RAB2A: variants seen among roughly 807,000 people sequenced by gnomAD.
The protein encoded by RAB2A is RAB2A, member RAS oncogene family.
RAB2A carries 7 observed loss-of-function variants against 32.5 expected under a neutral mutation model. That is an observed-to-expected ratio of 0.22 (90% CI 0.12 to 0.40). The LOEUF (loss-of-function observed/expected upper bound fraction) is 0.40, where lower values mean the gene tolerates loss of function less well. RAB2A is among the 10% of genes least tolerant of loss of function. The pLI is 1.00. For synonymous variants in RAB2A, 79 were observed against 85.2 expected (o/e 0.93, Z 0.40); for missense variants, 108 against 260.7 (o/e 0.41, Z 4.03).
chr8:60,584,603 ACTT>A (rs1320062423), intron 4 of RAB2A, 117 bp from the exon 5 acceptor site: 4 of 775,148 alleles, frequency 5.2e-6, no homozygotes, highest in Middle Eastern at 3.7e-4. Context: ...GCTTAAAACT[ACTT>A]CTCGTTACAT....
At chr8:60,608,345 A>G (rs1804271412) in intron 6 of RAB2A, among the ~76,000 whole-genome samples, 1 of 152,262 alleles carries the variant, frequency 6.6e-6, no homozygotes, top group African/African-American at 2.4e-5. Flanking sequence ...CTTAGCTTAA[A>G]CAGTCCTTTG....
At chr8:60,549,078 T>G (rs1275101127) in intron 1 of RAB2A, among the ~76,000 whole-genome samples, 5 of 124,644 alleles carry the variant, frequency 4.0e-5, no homozygotes, top group East Asian at 2.4e-4. Flanking sequence ...TTCCCAGATG[T>G]GATGGCGGCC....
At chr8:60,518,202 A>G (rs1019816624) in intron 1 of RAB2A, among the ~76,000 whole-genome samples, 2 of 152,186 alleles carry the variant, frequency 1.3e-5, no homozygotes, top group African/African-American at 4.8e-5. Context: ...TTTGAATCTA[A>G]TAATAAACAT....
chr8:60,613,288 T>C (rs1023633604), intron 6 of RAB2A, among the ~76,000 whole-genome samples: 17 of 152,188 alleles, frequency 1.1e-4, no homozygotes, highest in African/African-American at 3.4e-4. Flanking sequence ...TTGTTCCCCA[T>C]GTGTCTTTGC....
chr8:60,621,414 G>A lies in RAB2A; in HGVS notation c.*645G>A, dbSNP rs1804523792. 3 of 152,056 alleles carry A rather than the reference G, an allele frequency of 2.0e-5. No homozygotes were observed. In the South Asian group the frequency reaches 6.2e-4, roughly 32 times the overall value. 9.4% of individuals were successfully genotyped at this position (152,056 alleles called of 1,614,324 possible). On this transcript the variant is annotated 3_prime_UTR_variant, in exon 8 of 8. Coordinates refer to ENST00000262646, the MANE Select transcript of RAB2A (RefSeq NM_002865.3). ...GCATGTTCATCTTTTCTTGTCACTA[G>A]TCCAAGAAAAATATGCTTAATGTAT...
chr8:60,562,330 GTCC>G (rs970647519), intron 2 of RAB2A, among the ~76,000 whole-genome samples: 5 of 152,160 alleles, frequency 3.3e-5, no homozygotes, highest in African/African-American at 1.2e-4. Context: ...ATCAGGATTA[GTCC>G]TCCTAAAAAG....
At chr8:60,531,231 G>A (rs1273817744) in intron 1 of RAB2A, among the ~76,000 whole-genome samples, 2 of 152,130 alleles carry the variant, frequency 1.3e-5, no homozygotes, top group Non-Finnish European at 2.9e-5. Context: ...TCCTTCTTTA[G>A]AAATAGCTAC....
chr8:60,566,400 A>T (rs562616250), intron 2 of RAB2A, among the ~76,000 whole-genome samples: 2 of 151,938 alleles, frequency 1.3e-5, no homozygotes, highest in Non-Finnish European at 2.9e-5. Context: ...CTTTGATTTT[A>T]CTTGTTATAT....
chr8:60,559,051 A>C, intron 2 of RAB2A, 128 bp downstream of exon 2: 1 of 647,114 alleles, frequency 1.5e-6, no homozygotes, highest in South Asian at 2.0e-5. Flanking sequence ...TACGCTGTTT[A>C]ATCTCTGTCA....
chr8:60,516,988 T>A lies in RAB2A; in HGVS notation c.-220T>A. The A allele has an allele frequency of 2.3e-6, 1 of 435,168 alleles. No homozygotes were observed. The highest frequency in any genetic ancestry group is 4.1e-6 in the Non-Finnish European group (1 of 243,944). 27.0% of individuals were successfully genotyped at this position (435,168 alleles called of 1,614,324 possible). On this transcript the variant is annotated 5_prime_UTR_variant, in exon 1 of 8. The change creates a new upstream start codon in the 5' untranslated region. Transcript: ENST00000262646. ...GGCGGAGGCGCCGCGGCGGCTGTTATTGTTCGGCTGGGCTCGGTCGGGCGC... is the reference window on the plus strand; with the variant it reads ...GGCGGAGGCGCCGCGGCGGCTGTTAATGTTCGGCTGGGCTCGGTCGGGCGC...
intron 3 of RAB2A, among the ~76,000 whole-genome samples, chr8:60,577,404 G>GT (rs1803652309): frequency 6.6e-6 from 1 of 152,068 alleles, no homozygotes; most frequent in Non-Finnish European, 1.5e-5. Flanking sequence ...AACTTGTGCT[G>GT]TTTTTTCTAG....
chr8:60,554,306 G>A (rs1053608577), intron 1 of RAB2A, among the ~76,000 whole-genome samples: 1 of 152,188 alleles, frequency 6.6e-6, no homozygotes, highest in African/African-American at 2.4e-5. Flanking sequence ...AGAGAGAATT[G>A]ATGAGATTGG....
intron 1 of RAB2A, among the ~76,000 whole-genome samples, chr8:60,537,020 A>G (rs563740342): frequency 2.1e-4 from 32 of 152,336 alleles, no homozygotes; most frequent in African/African-American, 6.7e-4. Flanking sequence ...TTATTTTACC[A>G]TCATTACTAG....
intron 1 of RAB2A, among the ~76,000 whole-genome samples, chr8:60,522,672 G>T (rs1351146830): frequency 6.6e-6 from 1 of 152,148 alleles, no homozygotes; most frequent in Non-Finnish European, 1.5e-5. Context: ...GAGACTTGAG[G>T]TTGAAAGGTT....
intron 6 of RAB2A, among the ~76,000 whole-genome samples, chr8:60,598,892 A>G (rs1397541036): frequency 2.1e-5 from 3 of 146,278 alleles, no homozygotes; most frequent in Non-Finnish European, 3.0e-5. Flanking sequence ...TCTCTTCTCA[A>G]CATTAATCAA....
intron 6 of RAB2A, among the ~76,000 whole-genome samples, chr8:60,613,253 T>G (rs1032454675): frequency 6.6e-6 from 1 of 152,142 alleles, no homozygotes; most frequent in African/African-American, 2.4e-5. Flanking sequence ...ACATACACAT[T>G]TAGCACCAGT....
intron 1 of RAB2A, among the ~76,000 whole-genome samples, chr8:60,535,074 AC>A: frequency 6.6e-6 from 1 of 152,196 alleles, no homozygotes; most frequent in East Asian, 1.9e-4. Flanking sequence ...AAAAAGTACT[AC>A]TGAGTAGTAT....
At chr8:60,581,142 A>G (rs1803742605) in intron 3 of RAB2A, among the ~76,000 whole-genome samples, 1 of 152,260 alleles carries the variant, frequency 6.6e-6, no homozygotes, top group Non-Finnish European at 1.5e-5. Context: ...AGACGGCTGC[A>G]GTTTAAGCAT....
At chr8:60,599,938 G>T (rs1342132219) in intron 6 of RAB2A, among the ~76,000 whole-genome samples, 1 of 152,068 alleles carries the variant, frequency 6.6e-6, no homozygotes, top group Non-Finnish European at 1.5e-5. Flanking sequence ...CCTTGTGAAA[G>T]ACTGTTTAAG....
Sources: gnomAD v4.1 joint callset for allele counts (sites outside exome capture counted in the v4.1 genomes callset) on GRCh38, gnomAD v4.1.1 for gene constraint, MANE v1.5 for transcripts, NCBI Gene and HGNC (gene_info 2026-07-23, HGNC 2026-07-21) for gene names.